IKZF2: variants seen among roughly 807,000 people sequenced by gnomAD.
IKZF2 encodes zinc finger protein Helios.
Under a neutral mutation model 49.2 loss-of-function variants are expected in IKZF2, and 15 were observed. That is an observed-to-expected ratio of 0.30 (90% CI 0.20 to 0.47). The LOEUF (loss-of-function observed/expected upper bound fraction) is 0.47. Ranked by LOEUF, IKZF2 falls within the 20% of genes least tolerant of loss-of-function variation. The probability of loss-of-function intolerance (pLI) is 1.00; values close to 1 mark genes in which losing one functional copy is unlikely to be tolerated. For synonymous variants in IKZF2, 227 were observed against 221.4 expected, an observed-to-expected ratio of 1.03 and a Z score of -0.23; for missense variants, 567 against 664.6, an observed-to-expected ratio of 0.85 and a Z score of 1.61.
chr2:213,049,655 A>C (rs559065841), intron 6 of IKZF2, 58 bp downstream of exon 6: 4 of 1,318,788 alleles, frequency 3.0e-6, no homozygotes, highest in Non-Finnish European at 4.1e-6. Context: ...ATCATTCAAT[A>C]GTACTCTTCT....
At chr2:213,080,454 T>A (rs116511321) in intron 4 of IKZF2, among the ~76,000 whole-genome samples, 1,716 of 152,186 alleles carry the variant, frequency 0.011, 28 homozygotes, top group African/African-American at 0.039. Context: ...AATCAATGAA[T>A]GGGGGAGCAA....
At position 213,000,626 on chromosome 2, in the gene IKZF2, T is replaced by C. The variant is rs1288016115; in HGVS notation, c.*6734A>G. 1 of 151,736 alleles carries C rather than the reference T, an allele frequency of 6.6e-6. No individual in the cohort carries two copies. The highest frequency in any genetic ancestry group is 1.5e-5 in the Non-Finnish European group (1 of 67,588). The allele number at this position is 151,736 out of a possible 1,614,324, so 9.4% of individuals were successfully genotyped here. A position where few individuals can be genotyped will look rare whatever the true frequency, so the allele number is the denominator to read the frequency against. On this transcript the variant is annotated 3_prime_UTR_variant, in exon 9 of 9. Coordinates refer to ENST00000434687, the MANE Select transcript of IKZF2 (RefSeq NM_001387220.1). ...TTAGCACACTACATATAAATATGTA[T>C]AAGAAAAATACCTCTTACTTAAATT...
At chr2:213,020,358 C>A (rs534112771) in intron 7 of IKZF2, among the ~76,000 whole-genome samples, 7 of 151,972 alleles carry the variant, frequency 4.6e-5, no homozygotes, top group Non-Finnish European at 8.8e-5. Context: ...TAAAGCAAAC[C>A]ATTTATTGGG....
chr2:213,094,417 C>T (rs868028671), intron 4 of IKZF2, among the ~76,000 whole-genome samples: 7 of 152,100 alleles, frequency 4.6e-5, no homozygotes, highest in Non-Finnish European at 8.8e-5. Flanking sequence ...AGAGAGCTGG[C>T]AAGAGACTAC....
intron 6 of IKZF2, among the ~76,000 whole-genome samples, chr2:213,048,325 A>G (rs1252709510): frequency 6.6e-6 from 1 of 152,140 alleles, no homozygotes; most frequent in Non-Finnish European, 1.5e-5. Flanking sequence ...ATTAAAAACA[A>G]CATGATTTCA....
intron 4 of IKZF2, among the ~76,000 whole-genome samples, chr2:213,103,391 T>C (rs1302178982): frequency 1.3e-5 from 2 of 152,180 alleles, no homozygotes; most frequent in African/African-American, 2.4e-5. Context: ...ATTATATGAA[T>C]ACTTATCAAA....
chr2:213,084,371 T>C (rs1704320330), intron 4 of IKZF2, among the ~76,000 whole-genome samples: 1 of 152,188 alleles, frequency 6.6e-6, no homozygotes, highest in Middle Eastern at 3.2e-3. Context: ...CAATAAATAA[T>C]AGTTCTGTTC....
intron 5 of IKZF2, among the ~76,000 whole-genome samples, chr2:213,053,148 C>T (rs1161320552): frequency 3.3e-5 from 5 of 152,060 alleles, no homozygotes; most frequent in Non-Finnish European, 2.9e-5. Context: ...AAGCTGAAAA[C>T]ATTAAGTAGT....
At chr2:213,140,150 CAGA>C (rs1317808086) in intron 4 of IKZF2, among the ~76,000 whole-genome samples, 1 of 151,862 alleles carries the variant, frequency 6.6e-6, no homozygotes, top group Admixed American at 6.6e-5. Context: ...CAGGAAATCT[CAGA>C]AGAAGTGTTT....
intron 5 of IKZF2, among the ~76,000 whole-genome samples, chr2:213,050,345 C>A (rs1270136331): frequency 6.6e-6 from 1 of 152,102 alleles, no homozygotes; most frequent in Non-Finnish European, 1.5e-5. Context: ...GAGAAATGAA[C>A]CTGGTCAGTT....
chr2:213,070,632 A>G (rs963876354), intron 4 of IKZF2, among the ~76,000 whole-genome samples: 1 of 152,176 alleles, frequency 6.6e-6, no homozygotes, highest in Admixed American at 6.6e-5. Flanking sequence ...CTATAGGACT[A>G]GACAAGACAG....
chr2:213,031,844 T>C (rs961814845), intron 6 of IKZF2, among the ~76,000 whole-genome samples: 3 of 152,230 alleles, frequency 2.0e-5, no homozygotes, highest in Non-Finnish European at 4.4e-5. Context: ...CAATTGTTTA[T>C]TCATACAACA....
At chr2:213,038,396 G>A (rs759064157) in intron 6 of IKZF2, among the ~76,000 whole-genome samples, 4 of 152,112 alleles carry the variant, frequency 2.6e-5, no homozygotes, top group Non-Finnish European at 4.4e-5. Context: ...GAAAACAACC[G>A]ATTATCATAA....
chr2:213,143,457 C>G (rs555038186), intron 4 of IKZF2, among the ~76,000 whole-genome samples: 53 of 151,900 alleles, frequency 3.5e-4, no homozygotes, highest in Non-Finnish European at 6.3e-4. Context: ...ATCTATACCT[C>G]TTTTACTTTC....
chr2:213,005,746 C>T lies in IKZF2; in HGVS notation c.*1614G>A, dbSNP rs2124983823. ...TTCCAAGTATGTCCCCCTAAAATGA[C>T]TTGAATCAATATCACTCGGTTCCTC... is the stretch of plus-strand genomic sequence containing the variant. On this transcript the variant is annotated 3_prime_UTR_variant, in exon 9 of 9. Transcript: ENST00000434687. 1.3e-5 allele frequency: 2 copies of T among 152,154 alleles called. No individual in the cohort carries two copies. Among genetic ancestry groups the T allele is most frequent in the South Asian group, 2.1e-4 (1 of 4,828 alleles). The allele number at this position is 152,154 out of a possible 1,614,324, so 9.4% of individuals were successfully genotyped here. A position where few individuals can be genotyped will look rare whatever the true frequency, so the allele number is the denominator to read the frequency against.
intron 4 of IKZF2, among the ~76,000 whole-genome samples, chr2:213,098,584 C>A (rs1706283292): frequency 6.6e-6 from 1 of 152,122 alleles, no homozygotes; most frequent in African/African-American, 2.4e-5. Context: ...AACATAACTA[C>A]TTTGCAATTA....
intron 4 of IKZF2, among the ~76,000 whole-genome samples, chr2:213,098,242 C>A (rs1031930620): frequency 6.6e-6 from 1 of 152,062 alleles, no homozygotes; most frequent in South Asian, 2.1e-4. Flanking sequence ...TTGAGAACCA[C>A]CATTCTACAT....
intron 4 of IKZF2, among the ~76,000 whole-genome samples, chr2:213,073,650 G>A (rs1465004346): frequency 6.6e-6 from 1 of 152,058 alleles, no homozygotes; most frequent in Non-Finnish European, 1.5e-5. Flanking sequence ...TGAAAATCAG[G>A]GAAGTGAAAG....
chr2:213,049,926 A>AAATT, intron 5 of IKZF2, 46 bp from the exon 6 acceptor site: 1 of 1,361,246 alleles, frequency 7.3e-7, no homozygotes. Flanking sequence ...GGGTATGTGC[A>AAATT]AGTGACTAAT....
Sources: gnomAD v4.1 joint callset for allele counts (sites outside exome capture counted in the v4.1 genomes callset) on GRCh38, gnomAD v4.1.1 for gene constraint, MANE v1.5 for transcripts, NCBI Gene and HGNC (gene_info 2026-07-23, HGNC 2026-07-21) for gene names.